The following ACER2 variants were observed in gnomAD, a reference collection of about 807,000 sequenced individuals.
ACER2 encodes alkaline ceramidase 2.
ACER2 carries 26 observed loss-of-function variants against 34.7 expected under a neutral mutation model. That is an observed-to-expected ratio of 0.75 (90% CI 0.55 to 1.04). The LOEUF (loss-of-function observed/expected upper bound fraction) is 1.04. ACER2 is among the 50% of genes least tolerant of loss of function. The pLI is 0.00. For synonymous variants in ACER2, 138 were observed against 132.1 expected (o/e 1.04, Z -0.31); for missense variants, 352 against 340.8 (o/e 1.03, Z -0.26).
intron 1 of ACER2, among the ~76,000 whole-genome samples, chr9:19,410,672 TC>T (rs1415384282): frequency 6.6e-6 from 1 of 152,108 alleles, no homozygotes; most frequent in African/African-American, 2.4e-5. Flanking sequence ...ATCGCGCCAC[TC>T]CACTCCAGCC....
intron 2 of ACER2, 111 bp from the exon 3 acceptor site, chr9:19,424,589 A>T: frequency 6.6e-7 from 1 of 1,508,248 alleles, no homozygotes; most frequent in Non-Finnish European, 8.8e-7. Context: ...TCAGAGAGAG[A>T]GTGATCTGGT....
chr9:19,446,667 C>T, intron 5 of ACER2: 1 of 976,756 alleles, frequency 1.0e-6, no homozygotes, highest in African/African-American at 1.7e-5. Flanking sequence ...AGTCTTTTAC[C>T]TCTAACTCCA....
chr9:19,444,421 C>T lies in ACER2; in HGVS notation c.504-1860C>T, dbSNP rs192344227. Among the ~76,000 whole-genome samples the T allele has an allele frequency of 5.5e-3, 831 of 152,084 alleles. 6 individuals carry two copies. The highest frequency in any genetic ancestry group is 0.019 in the African/African-American group (790 of 41,488). The stretch of plus-strand genomic sequence containing the variant: ...TAGAGACGAGGTTTCACCGGATTAG[C>T]CAGGATGGTCTCGATCTCCTGACCT... On this transcript the variant is annotated intron_variant, in intron 4 of 5. Coordinates refer to ENST00000340967, the MANE Select transcript of ACER2 (RefSeq NM_001010887.3).
rs189258783 is a variant in ACER2, at chr9:19,425,860, C to A, written c.365+1019C>A. Among the ~76,000 whole-genome samples the A allele has an allele frequency of 7.2e-5, 11 of 152,240 alleles. No individual in the cohort carries two copies. The East Asian group carries it at 1.3e-3, about 19-fold the overall frequency. Reference sequence around the variant, plus strand: ...GTCTGAAACTATGGATTCAGTGAAGCAAACGGTATGTGCCCATGGAAGAGT... The same window carrying A: ...GTCTGAAACTATGGATTCAGTGAAGAAAACGGTATGTGCCCATGGAAGAGT... On this transcript the variant is annotated intron_variant, in intron 3 of 5. Transcript: ENST00000340967.
chr9:19,412,672 A>C lies in ACER2; in HGVS notation c.108+3480A>C, dbSNP rs146645057. ...ATTCTGTCTCAAAAAAAAAAAAAAA[A>C]AAACCAGCATGTATGGCGTAATCAC... On this transcript the variant is annotated intron_variant, in intron 1 of 5. Transcript: ENST00000340967. 4.1e-3 allele frequency among the ~76,000 whole-genome samples: 629 copies of C among 152,022 alleles called. 5 individuals are homozygous for C. Among genetic ancestry groups the C allele is most frequent in the African/African-American group, 0.015 (606 of 41,436 alleles).
intron 3 of ACER2, among the ~76,000 whole-genome samples, chr9:19,434,331 G>A (rs1563884591): frequency 6.6e-6 from 1 of 152,104 alleles, no homozygotes; most frequent in Admixed American, 6.5e-5. Context: ...CCAGACGATG[G>A]CCGGCCAGGC....
At position 19,425,193 on chromosome 9, in the gene ACER2, A is replaced by G. The variant is rs114107360; in HGVS notation, c.365+352A>G. ...TTTTCTGCTACAACATTTCCTTGAGACTAATCCAACTCCACCAGTTTTATA... is the reference window on the plus strand; with the variant it reads ...TTTTCTGCTACAACATTTCCTTGAGGCTAATCCAACTCCACCAGTTTTATA... On this transcript the variant is annotated intron_variant, in intron 3 of 5. Coordinates refer to ENST00000340967, the MANE Select transcript of ACER2 (RefSeq NM_001010887.3). Among the ~76,000 whole-genome samples the G allele has an allele frequency of 4.3e-3, 650 of 152,324 alleles. 5 individuals carry two copies. Among genetic ancestry groups the G allele is most frequent in the African/African-American group, 0.015 (626 of 41,572 alleles).
At chr9:19,450,383 C>T (rs1831523654) in intron 5 of ACER2, 67 bp from the exon 6 acceptor site, 3 of 1,451,364 alleles carry the variant, frequency 2.1e-6, no homozygotes, top group South Asian at 3.2e-5. Context: ...GAAGAAGGAG[C>T]AGGCTAAACT....
intron 3 of ACER2, among the ~76,000 whole-genome samples, chr9:19,433,749 C>T (rs1485896653): frequency 6.6e-6 from 1 of 152,044 alleles, no homozygotes; most frequent in African/African-American, 2.4e-5. Flanking sequence ...AGGCACCCCT[C>T]ACCTCCCGGA....
chr9:19,440,857 A>G (rs560504154), intron 4 of ACER2, among the ~76,000 whole-genome samples: 51 of 152,172 alleles, frequency 3.4e-4, no homozygotes, highest in Middle Eastern at 3.4e-3. Context: ...AATTCCATGT[A>G]TCACAGGCAT....
At chr9:19,409,294 G>C in intron 1 of ACER2, 102 bp downstream of exon 1, 1 of 1,165,396 alleles carries the variant, frequency 8.6e-7, no homozygotes, top group Non-Finnish European at 1.2e-6. Context: ...CGCGCATCTG[G>C]GGGCATTCTC....
chr9:19,430,440 G>T (rs995355170), intron 3 of ACER2, among the ~76,000 whole-genome samples: 4 of 152,138 alleles, frequency 2.6e-5, no homozygotes, highest in Admixed American at 2.0e-4. Flanking sequence ...AAAACACCCT[G>T]TTGGGGCCTC....
At position 19,416,330 on chromosome 9, in the gene ACER2, A is replaced by G. The variant is rs182428097; in HGVS notation, c.108+7138A>G. On this transcript the variant is annotated intron_variant, in intron 1 of 5. Transcript: ENST00000340967. ...GTGGGTGATGTGATTCACAATTTTT[A>G]GATGCTAGTGGAGGAGTTAAGCCAA... Among the ~76,000 whole-genome samples the G allele has an allele frequency of 7.8e-3, 1,185 of 152,182 alleles. 6 individuals are homozygous for G. The highest frequency in any genetic ancestry group is 0.013 in the Non-Finnish European group (855 of 68,014).
intron 3 of ACER2, among the ~76,000 whole-genome samples, chr9:19,428,356 C>T (rs545680497): frequency 3.3e-4 from 50 of 151,806 alleles, no homozygotes; most frequent in Admixed American, 3.1e-3. Context: ...TTAGTAGAGA[C>T]GGGGTTTTGC....
chr9:19,417,226 A>G (rs1830265905), intron 1 of ACER2, among the ~76,000 whole-genome samples: 1 of 152,230 alleles, frequency 6.6e-6, no homozygotes, highest in Non-Finnish European at 1.5e-5. Context: ...ATAATAGAGG[A>G]CACAAACAAA....
Position 19,424,858 on chromosome 9 carries a change from C to T in ACER2, c.365+17C>T, listed in dbSNP as rs1186368288. 1 of 1,613,898 alleles carries T rather than the reference C, an allele frequency of 6.2e-7. No individual in the cohort carries two copies. Among genetic ancestry groups the T allele is most frequent in the Admixed American group, 1.7e-5 (1 of 59,966 alleles). ...GAATGACCGGTAAGCTTGCACTAAA[C>T]ATTATTGCATTTACCACTAGGTGCA... is the stretch of plus-strand genomic sequence containing the variant. On this transcript the variant is annotated intron_variant, in intron 3 of 5. Coordinates refer to ENST00000340967, the MANE Select transcript of ACER2 (RefSeq NM_001010887.3).
intron 4 of ACER2, among the ~76,000 whole-genome samples, chr9:19,435,845 G>A (rs1830946909): frequency 6.6e-6 from 1 of 151,434 alleles, no homozygotes; most frequent in Admixed American, 6.6e-5. Flanking sequence ...GTCAGGAGAT[G>A]GAGACCATCC....
chr9:19,450,965 G>C lies in ACER2; in HGVS notation c.*329G>C, dbSNP rs1031116444. The C allele has an allele frequency of 1.1e-5, 2 of 180,930 alleles. No individual in the cohort carries two copies. The highest frequency in any genetic ancestry group is 2.3e-5 in the Non-Finnish European group (2 of 86,316). The allele number at this position is 180,930 out of a possible 1,614,324, so 11.2% of individuals were successfully genotyped here. On this transcript the variant is annotated 3_prime_UTR_variant, in exon 6 of 6. Coordinates refer to ENST00000340967, the MANE Select transcript of ACER2 (RefSeq NM_001010887.3). ...CTGGATTTTGTGTAATTTTTAAAAAGGTCCCCTCCTCCTCCCTAATGTGTC... is the reference window on the plus strand; with the variant it reads ...CTGGATTTTGTGTAATTTTTAAAAACGTCCCCTCCTCCTCCCTAATGTGTC...
chr9:19,439,622 C>T (rs1460628905), intron 4 of ACER2, among the ~76,000 whole-genome samples: 1 of 152,176 alleles, frequency 6.6e-6, no homozygotes, highest in Non-Finnish European at 1.5e-5. Context: ...AATCCACATC[C>T]ACATCTCTAG....
Sources: allele counts gnomAD v4.1 joint callset (sites outside exome capture counted in the v4.1 genomes callset), GRCh38; gene constraint gnomAD v4.1.1; transcripts MANE v1.5; gene names NCBI Gene and HGNC (gene_info 2026-07-23, HGNC 2026-07-21).